NFE2L2: variants seen among roughly 807,000 people sequenced by gnomAD.
NFE2L2 encodes NFE2 like bZIP transcription factor 2, also known as nuclear factor erythroid 2-related factor 2.
A neutral mutation model predicts 49.6 loss-of-function variants in NFE2L2; 20 were observed. The ratio of observed to expected loss-of-function variants is 0.40; its 90% CI spans 0.28 to 0.59. The LOEUF is 0.59. Among genes scored for constraint, NFE2L2 ranks in the 20% least tolerant of loss-of-function variants. The pLI, the probability that NFE2L2 is intolerant of heterozygous loss-of-function variation, is 0.40. For missense variants in NFE2L2, 578 were observed against 714.2 expected, an observed-to-expected ratio of 0.81 and a Z score of 2.17; for synonymous variants, 244 against 256.5, an observed-to-expected ratio of 0.95 and a Z score of 0.47.
intron 1 of NFE2L2, among the ~76,000 whole-genome samples, chr2:177,256,413 A>C (rs1050345895): frequency 1.3e-5 from 2 of 150,646 alleles, no homozygotes; most frequent in African/African-American, 4.9e-5. Flanking sequence ...CTAAATACAC[A>C]GTCAATATTG....
intron 1 of NFE2L2, 23 bp from the exon 2 acceptor site, chr2:177,234,294 A>C: frequency 6.3e-7 from 1 of 1,580,824 alleles, no homozygotes; most frequent in Non-Finnish European, 8.6e-7. Context: ...CAAAAAAAGG[A>C]AGGAGAGAGC....
Position 177,231,432 on chromosome 2 carries a change from T to A in NFE2L2, c.1171A>T (p.Asn391Tyr), listed in dbSNP as rs1689545084. Residue 391 changes from asparagine to tyrosine, a missense_variant, in exon 5 of 5, where the codon AAT becomes TAT. Asn to Tyr is a moderately radical substitution (Grantham distance 143, BLOSUM62 -2). This residue lies in a region of NFE2L2 where 368 missense variants were observed against 384.6 expected (regional missense o/e 0.96). Transcript: ENST00000397062. ...LDSAPGSVKQ[N>Y]GPKTPVHSSG... ...GAATGTACTGGTGTTTTAGGACCAT[T>A]CTGTTTGACACTTCCAGGGGCACTA... 1 of 1,614,228 alleles carries A rather than the reference T, an allele frequency of 6.2e-7. No individual in the cohort carries two copies. Among genetic ancestry groups the A allele is most frequent in the Non-Finnish European group, 8.5e-7 (1 of 1,180,032 alleles).
intron 1 of NFE2L2, among the ~76,000 whole-genome samples, chr2:177,243,252 T>C (rs755966327): frequency 2.0e-5 from 3 of 152,146 alleles, no homozygotes; most frequent in South Asian, 2.1e-4. Context: ...CAAACCTCCA[T>C]AGAAATTAAC....
In NFE2L2 at chr2:177,234,211, C is replaced by T. The variant is rs1256010315; in HGVS notation, c.106G>A (p.Val36Ile). ...TTCCGTCGCTGACTGAAGTCAAATACTTCTCGACTTACTCCAAGATCTATA... is the reference window on the plus strand; with the variant it reads ...TTCCGTCGCTGACTGAAGTCAAATATTTCTCGACTTACTCCAAGATCTATA... ...QDIDLGVSRE[V>I]FDFSQRRKEY... Residue 36 changes from valine (V) to isoleucine (I), a missense_variant, in exon 2 of 5, where the codon GTA (valine) becomes ATA (isoleucine). Physicochemically the swap from Val to Ile is conservative, Grantham distance 29 (BLOSUM62 3). Transcript: ENST00000397062. 6.2e-7 allele frequency: 1 copy of T among 1,613,816 alleles called. No homozygotes were observed. The highest frequency in any genetic ancestry group is 1.3e-5 in the African/African-American group (1 of 74,900).
In NFE2L2 at chr2:177,264,652, G is replaced by T. The variant is rs1690871519; in HGVS notation, c.-76C>A. 1 of 1,321,130 alleles carries T rather than the reference G, an allele frequency of 7.6e-7. No homozygotes were observed. The highest frequency in any genetic ancestry group is 9.7e-7 in the Non-Finnish European group (1 of 1,027,236). 81.8% of individuals were successfully genotyped at this position (1,321,130 alleles called of 1,614,324 possible). A position where few individuals can be genotyped will look rare whatever the true frequency, so the allele number is the denominator to read the frequency against. ...GCTGCCGAGGCGCGGCGCGGACAGG[G>T]CGGCTCTGGTGGCGGCGGCGGCGGC... On this transcript the variant is annotated 5_prime_UTR_variant, in exon 1 of 5. Transcript: ENST00000397062.
chr2:177,263,722 C>T, intron 1 of NFE2L2: 1 of 985,498 alleles, frequency 1.0e-6, no homozygotes, highest in Non-Finnish European at 1.2e-6. Flanking sequence ...GTCCACTGCC[C>T]TCGCCCGCAC....
At chr2:177,238,188 G>GT (rs981140965) in intron 1 of NFE2L2, among the ~76,000 whole-genome samples, 3 of 152,178 alleles carry the variant, frequency 2.0e-5, no homozygotes, top group Admixed American at 6.5e-5. Flanking sequence ...TGGGCCTGAG[G>GT]TTTTTTCTTG....
At chr2:177,237,950 A>G (rs147723007) in intron 1 of NFE2L2, among the ~76,000 whole-genome samples, 245 of 152,334 alleles carry the variant, frequency 1.6e-3, no homozygotes, top group African/African-American at 5.6e-3. Flanking sequence ...TAAGTGTTCA[A>G]TATGTTCCCA....
At chr2:177,236,729 A>G (rs1181742064) in intron 1 of NFE2L2, among the ~76,000 whole-genome samples, 3 of 152,342 alleles carry the variant, frequency 2.0e-5, no homozygotes, top group Middle Eastern at 3.4e-3. Context: ...ATCCCTTTAT[A>G]TACTTTAACT....
At chr2:177,248,502 C>T (rs1690214820) in intron 1 of NFE2L2, among the ~76,000 whole-genome samples, 1 of 152,130 alleles carries the variant, frequency 6.6e-6, no homozygotes, top group African/African-American at 2.4e-5. Flanking sequence ...CGCCGCCTCC[C>T]GGGTTCAAGC....
chr2:177,257,618 G>C (rs1690573242), intron 1 of NFE2L2, among the ~76,000 whole-genome samples: 1 of 152,188 alleles, frequency 6.6e-6, no homozygotes. Context: ...TGGATACCAA[G>C]CACTGAGGTG....
Position 177,231,283 on chromosome 2 carries a change from TG to T in NFE2L2, c.1319del (p.Pro440HisfsTer31). On this transcript the variant is annotated frameshift_variant, in exon 5 of 5. Transcript: ENST00000397062. LOFTEE classifies it high-confidence loss of function. The stretch of plus-strand genomic sequence containing the variant: ...GGCTTGAATGTTTGTCTTTTGTGAA[TG>T]GGGTTTTCCGATGACCAGGACTTAC... ...LPVSPGHRKT[P>X]FTKDKHSSRL... The T allele has an allele frequency of 1.2e-6, 2 of 1,614,220 alleles. No homozygotes were observed. Among genetic ancestry groups the T allele is most frequent in the Middle Eastern group, 1.6e-4 (1 of 6,062 alleles).
chr2:177,259,943 C>G (rs948844749), intron 1 of NFE2L2, among the ~76,000 whole-genome samples: 2 of 151,876 alleles, frequency 1.3e-5, no homozygotes, highest in African/African-American at 4.8e-5. Context: ...AAAAAAAAAG[C>G]CATCTGTATT....
At chr2:177,244,397 A>G (rs1021974209) in intron 1 of NFE2L2, among the ~76,000 whole-genome samples, 3 of 152,168 alleles carry the variant, frequency 2.0e-5, no homozygotes, top group African/African-American at 7.2e-5. Flanking sequence ...TAAGTGGATC[A>G]CTAATCCATC....
In NFE2L2 at chr2:177,231,800, A is replaced by G. The variant is rs757070914; in HGVS notation, c.803T>C (p.Val268Ala). 6.2e-7 allele frequency: 1 copy of G among 1,614,272 alleles called. No homozygotes were observed. ...TGTGGCATCTGAATTTAATGAGTTC[A>G]CTGTCAACTGGTTGGGGTCTTCTGT... ...LSTEDPNQLT[V>A]NSLNSDATVN... Residue 268 changes from valine to alanine, a missense_variant, in exon 5 of 5, where the codon GTG becomes GCG. By Grantham distance (64) the Val-to-Ala change is moderately conservative (BLOSUM62 0). Around this residue, in one of 3 missense-constraint regions of NFE2L2, gnomAD observed 368 missense variants for 384.6 expected, o/e 0.96. Transcript: ENST00000397062.
chr2:177,242,519 T>A (rs1476232424), intron 1 of NFE2L2, among the ~76,000 whole-genome samples: 1 of 152,222 alleles, frequency 6.6e-6, no homozygotes. Flanking sequence ...CCCTTTTATC[T>A]TTCCACTAGA....
rs1446103193 is a variant in NFE2L2, at chr2:177,231,818, T to G, written c.785A>C (p.Asp262Ala). The G allele has an allele frequency of 6.2e-7, 1 of 1,614,156 alleles. No individual in the cohort carries two copies. The highest frequency in any genetic ancestry group is 1.1e-5 in the South Asian group (1 of 91,084). Reference protein sequence around the residue: ...DSFSSILSTEDPNQLTVNSLN... With the variant: ...DSFSSILSTEAPNQLTVNSLN... The stretch of plus-strand genomic sequence containing the variant: ...TGAGTTCACTGTCAACTGGTTGGGG[T>G]CTTCTGTGGAGAGGATGCTGCTGAA... Residue 262 changes from aspartate to alanine, a missense_variant, in exon 5 of 5, where the codon GAC becomes GCC. Transcript: ENST00000397062.
chr2:177,249,769 G>A (rs888378403), intron 1 of NFE2L2, among the ~76,000 whole-genome samples: 4 of 152,138 alleles, frequency 2.6e-5, no homozygotes, highest in African/African-American at 4.8e-5. Flanking sequence ...ATGGTAACAC[G>A]AAATGTAGTC....
chr2:177,247,625 C>T (rs975368052), intron 1 of NFE2L2, among the ~76,000 whole-genome samples: 5 of 149,312 alleles, frequency 3.3e-5, no homozygotes, highest in African/African-American at 7.4e-5. Flanking sequence ...CGCTCCAAGC[C>T]GAGATCGTGC....
Sources: allele counts gnomAD v4.1 joint callset (sites outside exome capture counted in the v4.1 genomes callset), GRCh38; gene constraint gnomAD v4.1.1; regional missense constraint gnomAD v4.1.1; transcripts MANE v1.5; gene names NCBI Gene and HGNC (gene_info 2026-07-23, HGNC 2026-07-21).